The following SAXO1 variants were observed in gnomAD, a reference collection of about 807,000 sequenced individuals.
The protein encoded by SAXO1 is stabilizer of axonemal microtubules 1.
A neutral mutation model predicts 17.5 loss-of-function variants in SAXO1; 21 were observed. That is an observed-to-expected ratio of 1.20 (90% CI 0.85 to 1.72). The LOEUF (loss-of-function observed/expected upper bound fraction) is 1.72. Ranked by LOEUF, SAXO1 falls within the 40% of genes most tolerant of loss-of-function variation. The pLI is 0.00. For synonymous variants in SAXO1, 274 were observed against 216.5 expected (o/e 1.27, Z -2.33); for missense variants, 843 against 596.0 (o/e 1.41, Z -4.32).
intron 2 of SAXO1, among the ~76,000 whole-genome samples, chr9:18,942,720 A>G (rs913856319): frequency 4.6e-5 from 7 of 152,174 alleles, no homozygotes; most frequent in Non-Finnish European, 8.8e-5. Flanking sequence ...CCCAGATAAA[A>G]AGGCCCAGAT....
chr9:18,989,580 A>C (rs4977484), intron 1 of SAXO1, among the ~76,000 whole-genome samples: 14,387 of 146,180 alleles, frequency 0.098, 767 homozygotes, highest in Admixed American at 0.14. Context: ...ACACACACAC[A>C]CCCATCTCGT....
intron 1 of SAXO1, among the ~76,000 whole-genome samples, chr9:18,989,373 G>A (rs1833715454): frequency 6.6e-6 from 1 of 152,100 alleles, no homozygotes; most frequent in Admixed American, 6.5e-5. Flanking sequence ...CTGCATTGAT[G>A]TTTATAAAAA....
In SAXO1 at chr9:18,941,788, G is replaced by A. The variant is rs775634721; in HGVS notation, c.270C>T (p.Asp90=). The change falls in exon 3 of 4, where the codon GAC becomes GAT. Residue 90 remains aspartate (D), a synonymous_variant. Coordinates refer to ENST00000380534, the MANE Select transcript of SAXO1 (RefSeq NM_153707.4). The part of the protein sequence containing the change: ...KVAPVKVHQY[D]QFVPSEENMD... ...TATTCTCTTCACTCGGGACGAACTG[G>A]TCATACTGGTGGACCTTCACTGGTG... is the stretch of plus-strand genomic sequence containing the variant. The A allele has an allele frequency of 1.1e-5, 17 of 1,614,050 alleles. No individual in the cohort carries two copies. The African/African-American group carries it at 2.0e-4, about 19-fold the overall frequency.
rs1588386930 is a variant in SAXO1 at position 18,928,144 on chromosome 9, G to T, written c.1333C>A (p.Pro445Thr). Residue 445 changes from proline to threonine, a missense_variant, in exon 4 of 4, where the codon CCA (proline) becomes ACA (threonine). By Grantham distance (38) the Pro-to-Thr change is conservative. Coordinates refer to ENST00000380534, the MANE Select transcript of SAXO1 (RefSeq NM_153707.4). ...VDALGHRIYK[P>T]VSQAGSQQSS... The stretch of plus-strand genomic sequence containing the variant: ...TGCTGAGAGCCTGCCTGGGAAACTG[G>T]TTTGTATATCCTGTGACCCAAAGCA... The T allele has an allele frequency of 6.2e-7, 1 of 1,614,174 alleles. No homozygotes were observed. The highest frequency in any genetic ancestry group is 8.5e-7 in the Non-Finnish European group (1 of 1,180,028).
chr9:19,033,620 C>T (rs1254737449), upstream of SAXO1, among the ~76,000 whole-genome samples: 3 of 152,228 alleles, frequency 2.0e-5, no homozygotes, highest in African/African-American at 7.2e-5. Flanking sequence ...TAGAATTGCT[C>T]TCACCCACAG....
chr9:18,998,442 C>G (rs143927030), intron 1 of SAXO1, among the ~76,000 whole-genome samples: 3 of 152,128 alleles, frequency 2.0e-5, no homozygotes, highest in African/African-American at 7.2e-5. Context: ...ATGAACAAAG[C>G]CTCCAAGAAA....
intron 1 of SAXO1, among the ~76,000 whole-genome samples, chr9:18,990,506 G>A (rs944586957): frequency 2.6e-5 from 4 of 152,138 alleles, no homozygotes; most frequent in African/African-American, 9.7e-5. Flanking sequence ...CAGAGGTTGA[G>A]GCTGCAGTGA....
intron 1 of SAXO1, among the ~76,000 whole-genome samples, chr9:18,964,539 G>C (rs1214256912): frequency 6.6e-6 from 1 of 152,122 alleles, no homozygotes; most frequent in African/African-American, 2.4e-5. Context: ...ATTTCTTCTA[G>C]ATTTTCTAGT....
At chr9:18,950,704 G>T in intron 2 of SAXO1, 54 bp downstream of exon 2, 1 of 1,489,816 alleles carries the variant, frequency 6.7e-7, no homozygotes, top group Non-Finnish European at 9.2e-7. Flanking sequence ...AGCACTGCAT[G>T]TTACTCCATT....
At chr9:18,995,869 C>A (rs1257274093) in intron 1 of SAXO1, among the ~76,000 whole-genome samples, 1 of 152,056 alleles carries the variant, frequency 6.6e-6, no homozygotes, top group African/African-American at 2.4e-5. Flanking sequence ...CACTTGAGGT[C>A]AGGAGTTTGA....
intron 1 of SAXO1, among the ~76,000 whole-genome samples, chr9:18,956,506 G>A (rs1832264574): frequency 6.6e-6 from 1 of 152,094 alleles, no homozygotes; most frequent in Admixed American, 6.6e-5. Context: ...GCCTCATGTG[G>A]GCAGTGAAGA....
At chr9:19,048,456 C>CAA (rs200268458) in intron 1 of SAXO1, among the ~76,000 whole-genome samples, 4 of 142,640 alleles carry the variant, frequency 2.8e-5, no homozygotes, top group Non-Finnish European at 3.1e-5. Flanking sequence ...GACTCCGTCT[C>CAA]AAAAGAAAAA....
chr9:18,951,222 A>G (rs113113640), intron 1 of SAXO1, among the ~76,000 whole-genome samples: 2,569 of 152,216 alleles, frequency 0.017, 78 homozygotes, highest in African/African-American at 0.059. Context: ...ATATTTCCAT[A>G]CCATAATAGA....
intron 1 of SAXO1, among the ~76,000 whole-genome samples, chr9:18,997,752 G>C (rs749692115): frequency 6.6e-6 from 1 of 152,194 alleles, no homozygotes; most frequent in African/African-American, 2.4e-5. Context: ...GCCGATCAAG[G>C]ATGAAGCTTC....
intron 1 of SAXO1, among the ~76,000 whole-genome samples, chr9:19,023,639 TAAGAA>T (rs1835343094): frequency 6.6e-6 from 1 of 152,120 alleles, no homozygotes; most frequent in Non-Finnish European, 1.5e-5. Flanking sequence ...TAAATCAAGT[TAAGAA>T]AAGTGACAAG....
intron 1 of SAXO1, among the ~76,000 whole-genome samples, chr9:19,038,395 G>C: frequency 6.6e-6 from 1 of 151,760 alleles, no homozygotes; most frequent in African/African-American, 2.4e-5. Context: ...AAGAAAATGT[G>C]GCACATATAC....
chr9:18,984,595 C>T (rs754990144), intron 1 of SAXO1, among the ~76,000 whole-genome samples: 2 of 152,192 alleles, frequency 1.3e-5, no homozygotes, highest in Non-Finnish European at 2.9e-5. Context: ...CTTCTGCTAG[C>T]CTCAAATATT....
At chr9:18,995,519 G>T (rs1833965282) in intron 1 of SAXO1, among the ~76,000 whole-genome samples, 1 of 152,166 alleles carries the variant, frequency 6.6e-6, no homozygotes, top group African/African-American at 2.4e-5. Context: ...CTCCTAGCTT[G>T]CAAGAAAGAA....
At chr9:19,021,984 G>C (rs10811101) in intron 1 of SAXO1, among the ~76,000 whole-genome samples, 127,854 of 152,246 alleles carry the variant, frequency 0.84, 53,861 homozygotes, top group African/African-American at 0.89. Context: ...TGGCAACTGG[G>C]TCGGGTCCCC....
Sources: gnomAD v4.1 joint callset for allele counts (sites outside exome capture counted in the v4.1 genomes callset) on GRCh38, gnomAD v4.1.1 for gene constraint, MANE v1.5 for transcripts, NCBI Gene and HGNC (gene_info 2026-07-23, HGNC 2026-07-21) for gene names.